The following DDX6 variants were observed in gnomAD, a reference collection of about 807,000 sequenced individuals.
DDX6 encodes probable ATP-dependent RNA helicase DDX6.
Under a neutral mutation model 60.6 loss-of-function variants are expected in DDX6, and 7 were observed. That is an observed-to-expected ratio of 0.12 (90% CI 0.07 to 0.22). The LOEUF (loss-of-function observed/expected upper bound fraction) is 0.22, where lower values mean the gene tolerates loss of function less well. DDX6 is among the 10% of genes least tolerant of loss of function. The pLI is 1.00. For missense variants in DDX6, 270 were observed against 589.9 expected, an observed-to-expected ratio of 0.46 and a Z score of 5.62; for synonymous variants, 207 against 201.0, an observed-to-expected ratio of 1.03 and a Z score of -0.25.
intron 6 of DDX6, among the ~76,000 whole-genome samples, chr11:118,764,608 T>C (rs191478210): frequency 2.0e-5 from 3 of 151,988 alleles, no homozygotes; most frequent in Non-Finnish European, 2.9e-5. Flanking sequence ...ATCGAGACCA[T>C]CCTGGCTAAT....
chr11:118,766,075 TA>T (rs1403857199), intron 5 of DDX6, among the ~76,000 whole-genome samples: 1 of 149,438 alleles, frequency 6.7e-6, no homozygotes, highest in Non-Finnish European at 1.5e-5. Flanking sequence ...CCGTCTCAAA[TA>T]AAAAAAAAGA....
In DDX6 at chr11:118,768,242, C is replaced by T. The variant is rs782002855; in HGVS notation, c.480G>A (p.Leu160=). ...ACTAACCTTGTATATTGTCCTTCTT[C>T]AGGTCTAGCCGTTCAAGTAAGGGAA... ...YLIPLLERLD[L]KKDNIQAMVI... is the part of the protein sequence containing the mutation. Residue 160 remains leucine, a synonymous_variant, in exon 5 of 14, where the codon CTG becomes CTA. Coordinates refer to ENST00000534980, the MANE Select transcript of DDX6 (RefSeq NM_004397.6). 2 of 1,613,688 alleles carry T rather than the reference C, an allele frequency of 1.2e-6. No individual in the cohort carries two copies. Among genetic ancestry groups the T allele is most frequent in the Admixed American group, 1.7e-5 (1 of 59,976 alleles).
intron 4 of DDX6, among the ~76,000 whole-genome samples, chr11:118,770,505 C>A (rs1009724403): frequency 2.0e-5 from 3 of 152,104 alleles, no homozygotes; most frequent in Non-Finnish European, 2.9e-5. Flanking sequence ...CCATCTCCCA[C>A]GACAACACTC....
chr11:118,781,350 G>A (rs1332130195), intron 2 of DDX6, among the ~76,000 whole-genome samples, 166 bp from the exon 3 acceptor site: 2 of 152,064 alleles, frequency 1.3e-5, no homozygotes, highest in Non-Finnish European at 2.9e-5. Flanking sequence ...TGTTCTTATA[G>A]AGAATCTCAG....
chr11:118,757,882 TGCCCA>T (rs1176547241), intron 9 of DDX6, among the ~76,000 whole-genome samples: 11 of 152,248 alleles, frequency 7.2e-5, no homozygotes, highest in African/African-American at 2.2e-4. Context: ...TGAGCTACTG[TGCCCA>T]GCCAAGAATA....
At chr11:118,760,067 T>C in intron 7 of DDX6, 23 bp from the exon 8 acceptor site, 1 of 1,605,398 alleles carries the variant, frequency 6.2e-7, no homozygotes, top group Non-Finnish European at 8.5e-7. Context: ...GAAAAGACAA[T>C]TTTAAAAACA....
At position 118,781,163 on chromosome 11, in the gene DDX6, C is replaced by A. The variant is rs1483345678; in HGVS notation, c.222G>T (p.Lys74Asn). 1 of 1,605,886 alleles carries A rather than the reference C, an allele frequency of 6.2e-7. No homozygotes were observed. Among genetic ancestry groups the A allele is most frequent in the African/African-American group, 1.3e-5 (1 of 74,800 alleles). The change falls in exon 3 of 14, where the codon AAG becomes AAT. Residue 74 changes from lysine to asparagine, a missense_variant. Coordinates refer to ENST00000534980, the MANE Select transcript of DDX6 (RefSeq NM_004397.6). ...TTIKPGDDWK[K>N]TLKLPPKDLR... ...GATCCTTTGGAGGGAGTTTTAAAGT[C>A]TTTTTCCAGTCATCACCAGGTCTAG...
intron 1 of DDX6, chr11:118,788,836 G>C (rs1252608314): frequency 1.3e-5 from 2 of 151,376 alleles, no homozygotes; most frequent in East Asian, 3.9e-4. Context: ...TGGGATTACA[G>C]GTCTGGCTAA....
intron 1 of DDX6, 95 bp from the exon 2 acceptor site, chr11:118,786,613 T>C: frequency 5.2e-6 from 1 of 192,040 alleles, no homozygotes; most frequent in Non-Finnish European, 1.1e-5. Context: ...TCATCTTTTA[T>C]ATTAAAGAAT....
intron 4 of DDX6, among the ~76,000 whole-genome samples, chr11:118,778,715 A>C (rs1397661024): frequency 1.3e-5 from 2 of 152,150 alleles, no homozygotes; most frequent in Non-Finnish European, 2.9e-5. Context: ...TGACAGGGTA[A>C]TCAAAATTAA....
intron 4 of DDX6, among the ~76,000 whole-genome samples, chr11:118,776,785 A>G (rs1861713920): frequency 6.6e-6 from 1 of 151,504 alleles, no homozygotes; most frequent in African/African-American, 2.4e-5. Flanking sequence ...GTGAGTGGAC[A>G]TCGCGCCACT....
At chr11:118,771,828 C>T (rs2137492903) in intron 4 of DDX6, among the ~76,000 whole-genome samples, 1 of 152,346 alleles carries the variant, frequency 6.6e-6, no homozygotes, top group South Asian at 2.1e-4. Flanking sequence ...AAATGGAACT[C>T]TCATACACTG....
intron 13 of DDX6, among the ~76,000 whole-genome samples, chr11:118,752,674 C>T (rs938259891): frequency 1.3e-4 from 20 of 152,058 alleles, no homozygotes; most frequent in African/African-American, 4.6e-4. Context: ...AGATGTTCAC[C>T]TATAACTTGG....
At chr11:118,755,340 T>C in intron 12 of DDX6, 62 bp downstream of exon 12, 1 of 957,366 alleles carries the variant, frequency 1.0e-6, no homozygotes, top group Non-Finnish European at 1.7e-6. Context: ...AAGAACAAAA[T>C]TTAGTCATTA....
chr11:118,775,076 A>G (rs2137508065), intron 4 of DDX6, among the ~76,000 whole-genome samples: 1 of 152,282 alleles, frequency 6.6e-6, no homozygotes, highest in African/African-American at 2.4e-5. Flanking sequence ...GTACTTTGGG[A>G]GGCCGAGGAG....
intron 10 of DDX6, among the ~76,000 whole-genome samples, 164 bp downstream of exon 10, chr11:118,757,007 A>C (rs1861000612): frequency 6.6e-6 from 1 of 152,176 alleles, no homozygotes; most frequent in Non-Finnish European, 1.5e-5. Context: ...TATTATCCCT[A>C]TTTTATTGCT....
intron 10 of DDX6, among the ~76,000 whole-genome samples, chr11:118,756,660 ATATT>A (rs557568255): frequency 6.6e-6 from 1 of 152,248 alleles, no homozygotes; most frequent in Non-Finnish European, 1.5e-5. Context: ...CTGAGGGGCC[ATATT>A]TAAAAATCCA....
At chr11:118,763,127 A>T in intron 7 of DDX6, 85 bp downstream of exon 7, 1 of 845,748 alleles carries the variant, frequency 1.2e-6, no homozygotes, top group Admixed American at 2.6e-5. Flanking sequence ...CATAAACACA[A>T]GCAGCTTTTG....
At chr11:118,776,167 C>T (rs1227421978) in intron 4 of DDX6, among the ~76,000 whole-genome samples, 4 of 152,134 alleles carry the variant, frequency 2.6e-5, no homozygotes, top group Admixed American at 1.3e-4. Context: ...AAAACAATTA[C>T]GTCTCCTAAA....
Sources: gnomAD v4.1 joint callset for allele counts (sites outside exome capture counted in the v4.1 genomes callset) on GRCh38, gnomAD v4.1.1 for gene constraint, MANE v1.5 for transcripts, NCBI Gene and HGNC (gene_info 2026-07-23, HGNC 2026-07-21) for gene names.